PGPEP1L: variants seen among roughly 807,000 people sequenced by gnomAD.
The protein encoded by PGPEP1L is pyroglutamyl-peptidase I like.
In PGPEP1L, 7 loss-of-function variants were observed where a neutral mutation model predicts 6.0. That is an observed-to-expected ratio of 1.17 (90% CI 0.66 to 2.19). PGPEP1L has a LOEUF of 2.19. Among genes scored for constraint, PGPEP1L ranks in the 30% most tolerant of loss-of-function variants. PGPEP1L has a pLI of 0.00. For synonymous variants in PGPEP1L, 103 were observed against 83.9 expected, an observed-to-expected ratio of 1.23 and a Z score of -1.24; for missense variants, 209 against 192.5, an observed-to-expected ratio of 1.09 and a Z score of -0.51.
chr15:98,977,043 TAA>T (rs2017580947), intron 2 of PGPEP1L, among the ~76,000 whole-genome samples: 1 of 148,666 alleles, frequency 6.7e-6, no homozygotes, highest in African/African-American at 2.5e-5. Flanking sequence ...GTGACTTTGA[TAA>T]GAGTAGTTTG....
At chr15:99,002,479 T>A (rs1555473158) in intron 2 of PGPEP1L, among the ~76,000 whole-genome samples, 3 of 148,032 alleles carry the variant, frequency 2.0e-5, no homozygotes, top group African/African-American at 7.6e-5. Flanking sequence ...CTACACTAGC[T>A]GAAATTACAC....
At chr15:98,970,144 G>T (rs1045034457) in intron 3 of PGPEP1L, among the ~76,000 whole-genome samples, 3 of 152,130 alleles carry the variant, frequency 2.0e-5, no homozygotes, top group Non-Finnish European at 4.4e-5. Flanking sequence ...TGCCTCCCGG[G>T]TTCAAGTGAT....
intron 3 of PGPEP1L, 114 bp from the exon 4 acceptor site, chr15:98,969,765 A>C: frequency 2.8e-5 from 30 of 1,071,548 alleles, no homozygotes; most frequent in South Asian, 4.1e-5. Context: ...AAAACATCTC[A>C]AACCCCAAAT....
chr15:98,988,132 C>T (rs1299171916), intron 2 of PGPEP1L, among the ~76,000 whole-genome samples: 8 of 152,188 alleles, frequency 5.3e-5, no homozygotes, highest in East Asian at 3.9e-4. Context: ...GCAACACCAG[C>T]GAGACAGAAT....
chr15:98,994,946 C>T (rs2017867604), intron 2 of PGPEP1L, among the ~76,000 whole-genome samples: 1 of 152,110 alleles, frequency 6.6e-6, no homozygotes, highest in South Asian at 2.1e-4. Context: ...GTCAATTTTT[C>T]CAAGTAATGT....
chr15:99,001,546 G>A (rs2017970210), intron 2 of PGPEP1L, among the ~76,000 whole-genome samples: 1 of 152,134 alleles, frequency 6.6e-6, no homozygotes, highest in Admixed American at 6.5e-5. Flanking sequence ...CTTTAAATGA[G>A]TAAATGGTAT....
intron 2 of PGPEP1L, among the ~76,000 whole-genome samples, chr15:98,997,732 ATT>A (rs1555472617): frequency 3.3e-5 from 5 of 152,180 alleles, no homozygotes; most frequent in African/African-American, 9.6e-5. Flanking sequence ...CATCTGCTTT[ATT>A]ATTCCCTCAT....
At chr15:99,000,668 T>C (rs962365498) in intron 2 of PGPEP1L, among the ~76,000 whole-genome samples, 1 of 152,242 alleles carries the variant, frequency 6.6e-6, no homozygotes, top group African/African-American at 2.4e-5. Context: ...CCACACTCTG[T>C]ATCTAACTAA....
Position 98,969,712 on chromosome 15 carries a change from A to G in PGPEP1L, c.-18-61T>C, listed in dbSNP as rs1041233697. The stretch of plus-strand genomic sequence containing the variant: ...AAACGAGGCCCACCCTGCTCACCAA[A>G]TGTGCAGAAGGGGCCACTCCTTTTG... On this transcript the variant is annotated intron_variant, in intron 3 of 4. Coordinates refer to ENST00000535714, the MANE Select transcript of PGPEP1L (RefSeq NM_001167902.2). The G allele has an allele frequency of 2.6e-6, 4 of 1,543,512 alleles. No individual in the cohort carries two copies. The African/African-American group carries it at 4.1e-5, about 16-fold the overall frequency.
At position 99,007,666 on chromosome 15, in the gene PGPEP1L, C is replaced by CT. The variant is rs1462608101; in HGVS notation, c.-678dup. 2 of 152,170 alleles carry CT rather than the reference C, an allele frequency of 1.3e-5. No individual in the cohort carries two copies. Among genetic ancestry groups the CT allele is most frequent in the African/African-American group, 4.8e-5 (2 of 41,424 alleles). 9.4% of individuals were successfully genotyped at this position (152,170 alleles called of 1,614,324 possible). A position where few individuals can be genotyped will look rare whatever the true frequency, so the allele number is the denominator to read the frequency against. ...TGGCTTTAAGAACGAAGCTGCAGAC[C>CT]TTCACGGTGAGCGTTACAGCTCATA... On this transcript the variant is annotated 5_prime_UTR_variant, in exon 1 of 5. The change abolishes the stop of an existing upstream ORF in the 5' untranslated region. Transcript: ENST00000535714.
intron 2 of PGPEP1L, among the ~76,000 whole-genome samples, chr15:98,984,023 T>A (rs1199851262): frequency 6.8e-6 from 1 of 146,094 alleles, no homozygotes; most frequent in Non-Finnish European, 1.5e-5. Context: ...TTTTTTTTTT[T>A]TTTTTTTTTT....
chr15:99,001,746 C>G (rs1027413846), intron 2 of PGPEP1L, among the ~76,000 whole-genome samples: 1 of 152,142 alleles, frequency 6.6e-6, no homozygotes, highest in Non-Finnish European at 1.5e-5. Context: ...GAGACAGAGT[C>G]TCACCCTGTC....
intron 2 of PGPEP1L, among the ~76,000 whole-genome samples, chr15:98,999,209 T>G (rs1238503204): frequency 6.6e-6 from 1 of 151,904 alleles, no homozygotes; most frequent in African/African-American, 2.4e-5. Flanking sequence ...CACCAAGGCT[T>G]TGTATATAAA....
intron 2 of PGPEP1L, among the ~76,000 whole-genome samples, chr15:98,977,446 G>A (rs2017586665): frequency 2.0e-5 from 3 of 152,080 alleles, no homozygotes; most frequent in Admixed American, 1.3e-4. Context: ...TTTCATCTCT[G>A]GCTTATTTAG....
chr15:98,997,465 C>T (rs1174351680), intron 2 of PGPEP1L, among the ~76,000 whole-genome samples: 2 of 152,136 alleles, frequency 1.3e-5, no homozygotes, highest in African/African-American at 2.4e-5. Flanking sequence ...AAGCAGTTGG[C>T]GGTGTGTCAC....
At chr15:98,995,674 C>T (rs958064623) in intron 2 of PGPEP1L, among the ~76,000 whole-genome samples, 62 of 152,204 alleles carry the variant, frequency 4.1e-4, no homozygotes, top group African/African-American at 1.3e-3. Flanking sequence ...CCAGCCTGGG[C>T]GACAGAGCTA....
intron 2 of PGPEP1L, among the ~76,000 whole-genome samples, chr15:98,992,969 C>T (rs183167434): frequency 1.1e-4 from 17 of 151,846 alleles, no homozygotes; most frequent in South Asian, 4.2e-4. Context: ...AAGACTTAAA[C>T]GTAAGAAACA....
chr15:99,007,689 A>C lies in PGPEP1L; in HGVS notation c.-700T>G, dbSNP rs2018104144. The C allele has an allele frequency of 6.6e-6, 1 of 152,224 alleles. No homozygotes were observed. The allele number at this position is 152,224 out of a possible 1,614,324, so 9.4% of individuals were successfully genotyped here. On this transcript the variant is annotated 5_prime_UTR_variant, in exon 1 of 5. An upstream start codon of the reference 5' UTR is lost. Transcript: ENST00000535714. ...ACCTTCACGGTGAGCGTTACAGCTC[A>C]TAAAGGCAGTGCGGACCCAAACAGT...
intron 2 of PGPEP1L, among the ~76,000 whole-genome samples, chr15:99,001,876 C>A (rs111540514): frequency 2.6e-5 from 4 of 152,102 alleles, no homozygotes; most frequent in Non-Finnish European, 5.9e-5. Flanking sequence ...CATCACCATG[C>A]CCAGCTAATT....
Sources: gnomAD v4.1 joint callset for allele counts (sites outside exome capture counted in the v4.1 genomes callset) on GRCh38, gnomAD v4.1.1 for gene constraint, MANE v1.5 for transcripts, NCBI Gene and HGNC (gene_info 2026-07-23, HGNC 2026-07-21) for gene names.